Variants in SIGLEC5 observed in about 807,000 individuals in gnomAD.
The protein encoded by SIGLEC5 is sialic acid binding Ig like lectin 5, also known as sialic acid-binding Ig-like lectin 5.
In SIGLEC5, 34 loss-of-function variants were observed where a neutral mutation model predicts 45.9. That is an observed-to-expected ratio of 0.74 (90% CI 0.56 to 0.99). SIGLEC5 has a LOEUF of 0.99. SIGLEC5 is among the 50% of genes least tolerant of loss of function. SIGLEC5 has a pLI of 0.00. For synonymous variants in SIGLEC5, 203 were observed against 258.6 expected, an observed-to-expected ratio of 0.79 and a Z score of 2.06; for missense variants, 508 against 629.6, an observed-to-expected ratio of 0.81 and a Z score of 2.07.
In SIGLEC5 at chr19:51,629,862, TG is replaced by T; in HGVS notation, c.391del (p.Gln131AsnfsTer5). On this transcript the variant is annotated frameshift_variant, in exon 2 of 9. Transcript: ENST00000683636. LOFTEE classifies it high-confidence loss of function. ...CACCTCCAAGTTCAGCTTATTCTGT[TG>T]GTAGCTATATTTTACATCCCTTCCT... is the stretch of plus-strand genomic sequence containing the variant. ...ERGRDVKYSYQQNKLNLEVTA... is the reference protein window; with the variant it reads ...ERGRDVKYSYXQNKLNLEVTA... 7.5e-7 allele frequency: 1 copy of T among 1,337,140 alleles called. No homozygotes were observed. The highest frequency in any genetic ancestry group is 1.5e-5 in the African/African-American group (1 of 65,802). 82.8% of individuals were successfully genotyped at this position (1,337,140 alleles called of 1,614,324 possible).
At chr19:51,621,943 T>C (rs1983304484) in intron 8 of SIGLEC5, among the ~76,000 whole-genome samples, 2 of 152,214 alleles carry the variant, frequency 1.3e-5, no homozygotes, top group South Asian at 4.1e-4. Flanking sequence ...GAAGAAACTC[T>C]ACATTATCTC....
At chr19:51,614,227 CTCCCG>C (rs1982966778) in intron 8 of SIGLEC5, among the ~76,000 whole-genome samples, 1 of 152,168 alleles carries the variant, frequency 6.6e-6, no homozygotes, top group African/African-American at 2.4e-5. Flanking sequence ...TCACTGCAAC[CTCCCG>C]TCCCTGGCTC....
In SIGLEC5 at chr19:51,630,054, G is replaced by A. The variant is rs1265675778; in HGVS notation, c.200C>T (p.Pro67Leu). 1.5e-6 allele frequency: 1 copy of A among 645,758 alleles called. No individual in the cohort carries two copies. Among genetic ancestry groups the A allele is most frequent in the South Asian group, 1.7e-5 (1 of 59,542 alleles). 40.0% of individuals were successfully genotyped at this position (645,758 alleles called of 1,614,324 possible). A position where few individuals can be genotyped will look rare whatever the true frequency, so the allele number is the denominator to read the frequency against. The change falls in exon 2 of 9, where the codon CCA becomes CTA. Residue 67 changes from proline (P) to leucine (L), a missense_variant. Coordinates refer to ENST00000683636, the MANE Select transcript of SIGLEC5 (RefSeq NM_003830.4). ...TGTGGCCACAACCTCAGCGTAGTATGGGATCTCCCCGTCCCGGAACCAGTA... is the reference window on the plus strand; with the variant it reads ...TGTGGCCACAACCTCAGCGTAGTATAGGATCTCCCCGTCCCGGAACCAGTA... Reference protein sequence around the residue: ...YVYWFRDGEIPYYAEVVATNN... With the variant: ...YVYWFRDGEILYYAEVVATNN...
At chr19:51,613,466 C>T (rs750904906) in intron 8 of SIGLEC5, among the ~76,000 whole-genome samples, 9 of 152,104 alleles carry the variant, frequency 5.9e-5, no homozygotes, top group Non-Finnish European at 4.4e-5. Context: ...CATAGGCTGC[C>T]TAGGTCAGGG....
intron 8 of SIGLEC5, among the ~76,000 whole-genome samples, chr19:51,615,846 G>A (rs1287296602): frequency 1.3e-5 from 2 of 152,094 alleles, no homozygotes; most frequent in Non-Finnish European, 2.9e-5. Flanking sequence ...GCATGATCTC[G>A]GCTCACTGCA....
chr19:51,620,588 C>T (rs893206546), intron 8 of SIGLEC5, among the ~76,000 whole-genome samples: 4 of 152,198 alleles, frequency 2.6e-5, no homozygotes, highest in Non-Finnish European at 4.4e-5. Flanking sequence ...TAGAAAGGAA[C>T]TTCCTTAACC....
In SIGLEC5 at chr19:51,629,966, G is replaced by A; in HGVS notation, c.288C>T (p.Val96=). The change falls in exon 2 of 9, where the codon GTC becomes GTT. Residue 96 remains valine (V), a synonymous_variant. Transcript: ENST00000683636. ...TGCTCAGGGAGCAGTTCTTCTTCTGGACATCCCCAAGGAGGCGGAATCGGC... is the reference window on the plus strand; with the variant it reads ...TGCTCAGGGAGCAGTTCTTCTTCTGAACATCCCCAAGGAGGCGGAATCGGC... ...TQGRFRLLGD[V]QKKNCSLSIG... 9.7e-7 allele frequency: 1 copy of A among 1,030,066 alleles called. No homozygotes were observed. Among genetic ancestry groups the A allele is most frequent in the South Asian group, 1.3e-5 (1 of 77,698 alleles). 63.8% of individuals were successfully genotyped at this position (1,030,066 alleles called of 1,614,324 possible).
intron 8 of SIGLEC5, among the ~76,000 whole-genome samples, chr19:51,620,354 A>G (rs1983238668): frequency 6.6e-6 from 1 of 152,202 alleles, no homozygotes; most frequent in Non-Finnish European, 1.5e-5. Flanking sequence ...GACCATGCAT[A>G]TAGACGCAAA....
chr19:51,624,048 A>C (rs1983388323), intron 8 of SIGLEC5, among the ~76,000 whole-genome samples: 1 of 152,092 alleles, frequency 6.6e-6, no homozygotes, highest in Admixed American at 6.5e-5. Flanking sequence ...AATCCCAGCT[A>C]CTCAGGAAGC....
Position 51,628,701 on chromosome 19 carries a change from G to A in SIGLEC5, c.739+337C>T, listed in dbSNP as rs542531443. Among the ~76,000 whole-genome samples the A allele has an allele frequency of 2.7e-5, 4 of 150,168 alleles. No individual in the cohort carries two copies. In the East Asian group the frequency reaches 7.8e-4, roughly 29 times the overall value. On this transcript the variant is annotated intron_variant, in intron 4 of 8. Coordinates refer to ENST00000683636, the MANE Select transcript of SIGLEC5 (RefSeq NM_003830.4). ...ATGTGCATGTGCCTGTGTGGTGTATGTGTGTGTGTGCATATGTGTGTGGTG... is the reference window on the plus strand; with the variant it reads ...ATGTGCATGTGCCTGTGTGGTGTATATGTGTGTGTGCATATGTGTGTGGTG...
intron 8 of SIGLEC5, among the ~76,000 whole-genome samples, chr19:51,617,171 C>A (rs902140741): frequency 1.3e-5 from 2 of 150,510 alleles, no homozygotes; most frequent in African/African-American, 2.4e-5. Flanking sequence ...AGGAGAATGG[C>A]GTGAACCCGG....
At chr19:51,628,815 G>A (rs1983610786) in intron 4 of SIGLEC5, among the ~76,000 whole-genome samples, 1 of 148,432 alleles carries the variant, frequency 6.7e-6, no homozygotes, top group Admixed American at 6.7e-5. Flanking sequence ...GTATATGCAT[G>A]TGTGTGTGTG....
At chr19:51,614,720 T>C (rs1265272587) in intron 8 of SIGLEC5, among the ~76,000 whole-genome samples, 1 of 152,216 alleles carries the variant, frequency 6.6e-6, no homozygotes, top group Non-Finnish European at 1.5e-5. Context: ...ACCCTTTCAC[T>C]CAATAGCTCT....
intron 8 of SIGLEC5, among the ~76,000 whole-genome samples, chr19:51,625,608 T>A (rs1236155825): frequency 6.6e-6 from 1 of 152,176 alleles, no homozygotes; most frequent in Non-Finnish European, 1.5e-5. Flanking sequence ...GGCGGGCGGA[T>A]CACCTGAGGT....
At position 51,629,858 on chromosome 19, in the gene SIGLEC5, C is replaced by A; in HGVS notation, c.396G>T (p.Gln132His). Residue 132 changes from glutamine (Q) to histidine (H), a missense_variant, in exon 2 of 9, where the codon CAG becomes CAT. Physicochemically the swap from Gln to His is conservative, Grantham distance 24. Around this residue, in one of 2 missense-constraint regions of SIGLEC5, gnomAD observed 77 missense variants for 200.8 expected, o/e 0.38. Transcript: ENST00000683636. ...RGRDVKYSYQ[Q>H]NKLNLEVTAL... is the part of the protein sequence containing the mutation. ...CTGTCACCTCCAAGTTCAGCTTATT[C>A]TGTTGGTAGCTATATTTTACATCCC... is the stretch of plus-strand genomic sequence containing the variant. 1.5e-6 allele frequency: 2 copies of A among 1,339,202 alleles called. No homozygotes were observed. The highest frequency in any genetic ancestry group is 2.1e-6 in the Non-Finnish European group (2 of 949,510). 83.0% of individuals were successfully genotyped at this position (1,339,202 alleles called of 1,614,324 possible).
rs781680188 is a variant in SIGLEC5 at position 51,629,374 on chromosome 19, G to A, written c.684C>T (p.Val228=). ...QGAQVTTERT[V]QLNVSYAPQT... ...ACCACTCACAGGAGACATTGAGCTG[G>A]ACAGTTCTCTCCGTGGTCACCTGAG... Residue 228 remains valine, a synonymous_variant, in exon 3 of 9, where the codon GTC becomes GTT. Transcript: ENST00000683636. 1.2e-6 allele frequency: 2 copies of A among 1,613,820 alleles called. No individual in the cohort carries two copies. Among genetic ancestry groups the A allele is most frequent in the Non-Finnish European group, 1.7e-6 (2 of 1,180,000 alleles).
In SIGLEC5 at chr19:51,618,792, CAAAAAAAAAAAAAA is replaced by C. The variant is rs398035001; in HGVS notation, c.1465-6384_1465-6371del. Among the ~76,000 whole-genome samples the C allele has an allele frequency of 8.3e-5, 4 of 48,312 alleles. No homozygotes were observed. In the East Asian group the frequency reaches 2.8e-3, roughly 33 times the overall value. The allele number at this position is 48,312 out of a possible 152,430, so 31.7% of individuals were successfully genotyped here. On this transcript the variant is annotated intron_variant, in intron 8 of 8. Coordinates refer to ENST00000683636, the MANE Select transcript of SIGLEC5 (RefSeq NM_003830.4). ...GGGTGACAGAGTGAGACTCTGTCTC[CAAAAAAAAAAAAAA>C]AAAAAAAAAAGCACCACTATGAAGA...
chr19:51,618,551 G>A (rs964307586), intron 8 of SIGLEC5, among the ~76,000 whole-genome samples: 9 of 151,094 alleles, frequency 6.0e-5, no homozygotes, highest in African/African-American at 1.9e-4. Context: ...CAGCACTTTG[G>A]GAGGACGAGG....
At chr19:51,628,127 G>T (rs1402063741) in intron 4 of SIGLEC5, 36 bp from the exon 5 acceptor site, 1 of 1,493,742 alleles carries the variant, frequency 6.7e-7, no homozygotes, top group East Asian at 2.4e-5. Flanking sequence ...GAGAGATGGG[G>T]CCAGGGAGGC....
Sources: allele counts gnomAD v4.1 joint callset (sites outside exome capture counted in the v4.1 genomes callset), GRCh38; gene constraint gnomAD v4.1.1; regional missense constraint gnomAD v4.1.1; transcripts MANE v1.5; gene names NCBI Gene and HGNC (gene_info 2026-07-23, HGNC 2026-07-21).